EXD2: variants seen among roughly 807,000 people sequenced by gnomAD.
The protein encoded by EXD2 is exonuclease 3'-5' domain containing 2.
In EXD2, 40 loss-of-function variants were observed where a neutral mutation model predicts 62.5. The observed-to-expected ratio is 0.64, with a 90% CI of 0.50 to 0.83. The LOEUF is 0.83. Among genes scored for constraint, EXD2 ranks in the 40% least tolerant of loss-of-function variants. EXD2 has a pLI of 0.00. For missense variants in EXD2, 671 were observed against 761.8 expected (o/e 0.88, Z 1.40); for synonymous variants, 239 against 291.9 (o/e 0.82, Z 1.85).
At chr14:69,238,101 C>A (rs1490468284) in intron 9 of EXD2, among the ~76,000 whole-genome samples, 170 bp downstream of exon 9, 8 of 152,240 alleles carry the variant, frequency 5.3e-5, no homozygotes, top group African/African-American at 9.6e-5. Context: ...ATAGAACAAT[C>A]TACTTGAGGA....
intron 1 of EXD2, among the ~76,000 whole-genome samples, chr14:69,198,177 T>C (rs1480791681): frequency 6.6e-6 from 1 of 152,250 alleles, no homozygotes; most frequent in African/African-American, 2.4e-5. Flanking sequence ...AGATTTCTTT[T>C]TTCACATTTT....
rs138623392 is a variant in EXD2, at chr14:69,221,351, A to G, written c.334-7465A>G. Among the ~76,000 whole-genome samples, 626 of 152,330 alleles carry G rather than the reference A, an allele frequency of 4.1e-3. 6 individuals are homozygous for G. Among genetic ancestry groups the G allele is most frequent in the Non-Finnish European group, 7.1e-3 (483 of 68,020 alleles). On this transcript the variant is annotated intron_variant, in intron 3 of 9. Coordinates refer to ENST00000685843, the MANE Select transcript of EXD2 (RefSeq NM_001193360.2). ...CTCCTTTAAGGGAAGTTTTTGAATTATGGATACAATTTCTTGAATAGTTAT... is the reference window on the plus strand; with the variant it reads ...CTCCTTTAAGGGAAGTTTTTGAATTGTGGATACAATTTCTTGAATAGTTAT...
chr14:69,215,897 G>T (rs2042974738), intron 3 of EXD2, among the ~76,000 whole-genome samples: 1 of 151,804 alleles, frequency 6.6e-6, no homozygotes, highest in South Asian at 2.1e-4. Flanking sequence ...AACCCTCCGG[G>T]AGTTAAATTT....
At chr14:69,195,833 G>C (rs959002931) in intron 1 of EXD2, among the ~76,000 whole-genome samples, 1 of 152,120 alleles carries the variant, frequency 6.6e-6, no homozygotes, top group Admixed American at 6.5e-5. Context: ...CCATGCTATA[G>C]CATGTTTCAG....
intron 3 of EXD2, 56 bp downstream of exon 3, chr14:69,209,859 A>C (rs2042748896): frequency 4.5e-6 from 6 of 1,340,430 alleles, no homozygotes; most frequent in Non-Finnish European, 6.0e-6. Flanking sequence ...CTGCTTTTCC[A>C]ACTGGGACCT....
intron 6 of EXD2, 46 bp from the exon 7 acceptor site, chr14:69,236,000 C>T (rs1245652707): frequency 1.4e-6 from 2 of 1,451,930 alleles, no homozygotes; most frequent in Admixed American, 1.7e-5. Context: ...ACATTTTGAC[C>T]CACAGTTAGC....
chr14:69,213,148 A>G (rs1002881235), intron 3 of EXD2, among the ~76,000 whole-genome samples: 9 of 138,648 alleles, frequency 6.5e-5, no homozygotes, highest in African/African-American at 2.5e-4. Context: ...CAGTTGTGCG[A>G]TCACAGCTAA....
At chr14:69,205,531 CTT>C (rs1158878891) in intron 2 of EXD2, among the ~76,000 whole-genome samples, 2 of 151,614 alleles carry the variant, frequency 1.3e-5, no homozygotes, top group African/African-American at 4.9e-5. Flanking sequence ...ATATTTTTGT[CTT>C]TGTTTTAGTT....
At position 69,209,461 on chromosome 14, in the gene EXD2, A is replaced by G; in HGVS notation, c.-10A>G. 6.7e-7 allele frequency: 1 copy of G among 1,489,378 alleles called. No individual in the cohort carries two copies. 92.3% of individuals were successfully genotyped at this position (1,489,378 alleles called of 1,614,324 possible). ...GTGATATGCTTTTCTAAAGAGTAGAAAAGTCGAAGATGTCTAGACAGAACT... is the reference window on the plus strand; with the variant it reads ...GTGATATGCTTTTCTAAAGAGTAGAGAAGTCGAAGATGTCTAGACAGAACT... On this transcript the variant is annotated 5_prime_UTR_variant, in exon 3 of 10. Transcript: ENST00000685843.
chr14:69,229,004 G>C lies in EXD2; in HGVS notation c.522G>C (p.Lys174Asn). 6.2e-7 allele frequency: 1 copy of C among 1,614,218 alleles called. No individual in the cohort carries two copies. Among genetic ancestry groups the C allele is most frequent in the African/African-American group, 1.3e-5 (1 of 75,048 alleles). Reference sequence around the variant, plus strand: ...TGGGATGCTCAGAAGATGCCAGCAAGCTTCTGCAGGATTATGGCCTCGTTG... The same window carrying C: ...TGGGATGCTCAGAAGATGCCAGCAACCTTCTGCAGGATTATGGCCTCGTTG... ...VGVGCSEDAS[K>N]LLQDYGLVVR... The change falls in exon 4 of 10, where the codon AAG becomes AAC. Residue 174 changes from lysine (K) to asparagine (N), a missense_variant. By Grantham distance (94) the Lys-to-Asn change is moderately conservative. Coordinates refer to ENST00000685843, the MANE Select transcript of EXD2 (RefSeq NM_001193360.2).
At chr14:69,229,171 T>A in intron 4 of EXD2, 99 bp downstream of exon 4, 1 of 1,468,730 alleles carries the variant, frequency 6.8e-7, no homozygotes. Context: ...CATGTGAAAT[T>A]GTATAGGAGC....
chr14:69,224,927 C>G (rs978195740), intron 3 of EXD2, among the ~76,000 whole-genome samples: 2 of 151,516 alleles, frequency 1.3e-5, no homozygotes, highest in African/African-American at 2.4e-5. Flanking sequence ...TGCAGTGAGC[C>G]GAGATCACAC....
At chr14:69,230,070 C>G (rs1452387296) in intron 4 of EXD2, among the ~76,000 whole-genome samples, 1 of 152,126 alleles carries the variant, frequency 6.6e-6, no homozygotes, top group Non-Finnish European at 1.5e-5. Flanking sequence ...GCACCAGCTC[C>G]CCAGAATGCC....
At chr14:69,234,186 T>C (rs544464985) in intron 5 of EXD2, among the ~76,000 whole-genome samples, 1 of 152,354 alleles carries the variant, frequency 6.6e-6, no homozygotes, top group East Asian at 1.9e-4. Context: ...AGGCCCATGT[T>C]TGAAACCTAT....
At chr14:69,217,250 T>G (rs945590518) in intron 3 of EXD2, among the ~76,000 whole-genome samples, 4 of 152,186 alleles carry the variant, frequency 2.6e-5, no homozygotes, top group African/African-American at 9.7e-5. Context: ...AGATGAAGTC[T>G]CACTGTGATT....
intron 3 of EXD2, among the ~76,000 whole-genome samples, chr14:69,217,697 A>C (rs1291926256): frequency 6.7e-6 from 1 of 149,934 alleles, no homozygotes; most frequent in Admixed American, 6.6e-5. Context: ...CCCTCCCCCC[A>C]CTCCATGACA....
In EXD2 at chr14:69,209,193, C is replaced by A. The variant is rs147171102; in HGVS notation, c.-47-231C>A. On this transcript the variant is annotated intron_variant, in intron 2 of 9. Transcript: ENST00000685843. ...ATATCATTAAGAGAGCCATGGGGAA[C>A]TGTCAGAGGGCAGGGAGATTTCCTG... 7 of 248,878 alleles carry A rather than the reference C, an allele frequency of 2.8e-5. No homozygotes were observed. In the East Asian group the frequency reaches 5.7e-4, roughly 20 times the overall value. 15.4% of individuals were successfully genotyped at this position (248,878 alleles called of 1,614,324 possible). A position where few individuals can be genotyped will look rare whatever the true frequency, so the allele number is the denominator to read the frequency against.
chr14:69,240,069 A>G (rs181985556), intron 9 of EXD2, among the ~76,000 whole-genome samples: 1 of 152,334 alleles, frequency 6.6e-6, no homozygotes, highest in East Asian at 1.9e-4. Flanking sequence ...TATTAATAAT[A>G]AAGTGTCTGC....
chr14:69,195,983 A>C (rs2042192538), intron 1 of EXD2: 1 of 152,224 alleles, frequency 6.6e-6, no homozygotes, highest in African/African-American at 2.4e-5. Flanking sequence ...TAGAAGTTCA[A>C]AATTAAGGTG....
Sources: gnomAD v4.1 joint callset for allele counts (sites outside exome capture counted in the v4.1 genomes callset) on GRCh38, gnomAD v4.1.1 for gene constraint, MANE v1.5 for transcripts, NCBI Gene and HGNC (gene_info 2026-07-23, HGNC 2026-07-21) for gene names.